Variants in MECOM observed in about 807,000 individuals in gnomAD.
MECOM encodes MDS1 and EVI1 complex locus.
Under a neutral mutation model 116.3 loss-of-function variants are expected in MECOM, and 13 were observed. The observed-to-expected ratio is 0.11, with a 90% CI of 0.07 to 0.18. The LOEUF is 0.18. Ranked by LOEUF, MECOM falls within the 10% of genes least tolerant of loss-of-function variation. The probability of loss-of-function intolerance (pLI) is 1.00; values close to 1 mark genes in which losing one functional copy is unlikely to be tolerated. For synonymous variants in MECOM, 528 were observed against 535.2 expected, an observed-to-expected ratio of 0.99 and a Z score of 0.19; for missense variants, 1,299 against 1,509.0, an observed-to-expected ratio of 0.86 and a Z score of 2.31.
chr3:169,545,587 TC>T (rs1311998683), intron 1 of MECOM, among the ~76,000 whole-genome samples: 6 of 152,230 alleles, frequency 3.9e-5, no homozygotes, highest in Admixed American at 2.6e-4. Context: ...TGTTAGAACC[TC>T]CTTAGGCTCT....
At chr3:169,100,101 C>CTTTCTTTTT (rs1196989981) in intron 12 of MECOM, among the ~76,000 whole-genome samples, 2 of 50,630 alleles carry the variant, frequency 4.0e-5, no homozygotes, top group African/African-American at 7.3e-5. Flanking sequence ...TTCTTTCTTT[C>CTTTCTTTTT]TTTTTTTTTT....
intron 2 of MECOM, among the ~76,000 whole-genome samples, chr3:169,312,677 C>T (rs1375930335): frequency 6.6e-6 from 1 of 152,174 alleles, no homozygotes; most frequent in Non-Finnish European, 1.5e-5. Flanking sequence ...CGTGCCTGGC[C>T]AACTCCAATT....
chr3:169,131,145 T>C (rs185586469), intron 4 of MECOM, among the ~76,000 whole-genome samples: 3 of 152,332 alleles, frequency 2.0e-5, no homozygotes, highest in East Asian at 3.9e-4. Flanking sequence ...ATTCTCACCA[T>C]AAACTAATGC....
At chr3:169,523,744 C>A (rs1399944069) in intron 1 of MECOM, among the ~76,000 whole-genome samples, 1 of 151,818 alleles carries the variant, frequency 6.6e-6, no homozygotes, top group South Asian at 2.1e-4. Flanking sequence ...AAATTTGATT[C>A]TTCAATAAAC....
chr3:169,366,010 C>T (rs751590444), intron 2 of MECOM, among the ~76,000 whole-genome samples: 5 of 151,164 alleles, frequency 3.3e-5, no homozygotes, highest in East Asian at 2.0e-4. Flanking sequence ...AAAGGTTAAC[C>T]GGCTTCAGCT....
At chr3:169,103,538 C>T (rs138389838) in intron 10 of MECOM, among the ~76,000 whole-genome samples, 121 of 152,256 alleles carry the variant, frequency 7.9e-4, no homozygotes, top group African/African-American at 2.8e-3. Flanking sequence ...TCTCAAAGAG[C>T]TGTGATGCTA....
At chr3:169,563,253 C>T (rs1762861913) in intron 1 of MECOM, among the ~76,000 whole-genome samples, 1 of 152,108 alleles carries the variant, frequency 6.6e-6, no homozygotes, top group South Asian at 2.1e-4. Flanking sequence ...CTGCTCTGCC[C>T]TGGAGAACAG....
At chr3:169,503,350 G>A (rs1754781870) in intron 1 of MECOM, among the ~76,000 whole-genome samples, 1 of 152,056 alleles carries the variant, frequency 6.6e-6, no homozygotes, top group Non-Finnish European at 1.5e-5. Context: ...AACTAGAACT[G>A]CATAAATCAT....
intron 2 of MECOM, among the ~76,000 whole-genome samples, chr3:169,376,688 A>C (rs200241419): frequency 6.6e-6 from 1 of 151,936 alleles, no homozygotes; most frequent in East Asian, 1.9e-4. Flanking sequence ...GAGGACACAA[A>C]AAATGGAAAA....
intron 2 of MECOM, among the ~76,000 whole-genome samples, chr3:169,193,458 AT>A (rs1309954367): frequency 1.3e-5 from 2 of 151,380 alleles, no homozygotes; most frequent in East Asian, 1.9e-4. Context: ...TGATCTTTGG[AT>A]TTTTTTTTCT....
At chr3:169,177,989 G>A (rs1172692236) in intron 2 of MECOM, among the ~76,000 whole-genome samples, 1 of 151,894 alleles carries the variant, frequency 6.6e-6, no homozygotes, top group Non-Finnish European at 1.5e-5. Context: ...ATAAAAAGAA[G>A]AAAGAACAGG....
chr3:169,293,064 A>T (rs1714904097), intron 2 of MECOM, among the ~76,000 whole-genome samples: 1 of 152,186 alleles, frequency 6.6e-6, no homozygotes, highest in Non-Finnish European at 1.5e-5. Context: ...AGGTACCTCC[A>T]TGACTAGCAA....
chr3:169,146,488 C>A, intron 2 of MECOM: 2 of 1,381,740 alleles, frequency 1.4e-6, no homozygotes, highest in Non-Finnish European at 1.9e-6. Context: ...GAAGGCCGGA[C>A]GACCCACCCC....
rs139532577 is a variant in MECOM, at chr3:169,394,766, T to C, written c.38-13242A>G. ...AATAAACATATTTATTTGGACATAG[T>C]TAAGTCAAAACAAGTCACCTGGAAA... On this transcript the variant is annotated intron_variant, in intron 1 of 16. Coordinates refer to ENST00000651503, the MANE Select transcript of MECOM (RefSeq NM_004991.4). Among the ~76,000 whole-genome samples, 277 of 152,304 alleles carry C rather than the reference T, an allele frequency of 1.8e-3. 5 individuals carry two copies. In the East Asian group the frequency reaches 0.047, roughly 26 times the overall value.
intron 1 of MECOM, among the ~76,000 whole-genome samples, chr3:169,587,750 T>A (rs981460670): frequency 3.3e-5 from 5 of 152,200 alleles, no homozygotes; most frequent in African/African-American, 9.7e-5. Context: ...AGTTACATTG[T>A]ACACTGTCAT....
intron 13 of MECOM, among the ~76,000 whole-genome samples, chr3:169,093,480 G>A (rs1720452956): frequency 6.6e-6 from 1 of 152,156 alleles, no homozygotes; most frequent in Non-Finnish European, 1.5e-5. Flanking sequence ...TGAAGTCCTG[G>A]TTGCAGTCAA....
intron 2 of MECOM, among the ~76,000 whole-genome samples, chr3:169,298,585 T>A (rs1025323741): frequency 6.6e-6 from 1 of 152,186 alleles, no homozygotes; most frequent in African/African-American, 2.4e-5. Flanking sequence ...CCTAGGGTAC[T>A]GTAATGATTT....
intron 1 of MECOM, among the ~76,000 whole-genome samples, chr3:169,499,567 C>A (rs1233420747): frequency 6.6e-6 from 1 of 151,556 alleles, no homozygotes; most frequent in Admixed American, 6.6e-5. Flanking sequence ...AAGCTAACTT[C>A]TCAGGAGCTA....
chr3:169,324,080 T>C (rs1721381775), intron 2 of MECOM, among the ~76,000 whole-genome samples: 1 of 152,192 alleles, frequency 6.6e-6, no homozygotes, highest in Admixed American at 6.5e-5. Context: ...TCCTGGGGCT[T>C]CCTGAGTTAT....
Sources: gnomAD v4.1 joint callset for allele counts (sites outside exome capture counted in the v4.1 genomes callset) on GRCh38, gnomAD v4.1.1 for gene constraint, MANE v1.5 for transcripts, NCBI Gene and HGNC (gene_info 2026-07-23, HGNC 2026-07-21) for gene names.